Variants in ZNF407 observed in about 807,000 individuals in gnomAD.
The protein encoded by ZNF407 is zinc finger protein 407.
In ZNF407, 17 loss-of-function variants were observed where a neutral mutation model predicts 131.2. That is an observed-to-expected ratio of 0.13 (90% CI 0.09 to 0.19). The LOEUF (loss-of-function observed/expected upper bound fraction) is 0.19, where lower values mean the gene tolerates loss of function less well. Among genes scored for constraint, ZNF407 ranks in the 10% least tolerant of loss-of-function variants. The pLI is 1.00. For synonymous variants in ZNF407, 1,156 were observed against 1,062.0 expected, an observed-to-expected ratio of 1.09 and a Z score of -1.72; for missense variants, 2,681 against 2,830.6, an observed-to-expected ratio of 0.95 and a Z score of 1.20.
intron 5 of ZNF407, among the ~76,000 whole-genome samples, chr18:74,878,824 A>AG: frequency 6.6e-6 from 1 of 150,544 alleles, no homozygotes; most frequent in South Asian, 2.1e-4. Flanking sequence ...TTTTCTTAAA[A>AG]TTTTTTTTCT....
At chr18:74,802,492 T>C (rs1459631187) in intron 4 of ZNF407, among the ~76,000 whole-genome samples, 5 of 152,230 alleles carry the variant, frequency 3.3e-5, no homozygotes. Context: ...GTAGTTGTTT[T>C]GTTGTATGTA....
chr18:74,698,350 T>A (rs966010199), intron 3 of ZNF407, among the ~76,000 whole-genome samples: 3 of 152,246 alleles, frequency 2.0e-5, no homozygotes, highest in African/African-American at 7.2e-5. Context: ...TCTAGACTTA[T>A]AACCAGCATA....
intron 4 of ZNF407, among the ~76,000 whole-genome samples, chr18:74,831,754 C>T (rs533600191): frequency 1.3e-5 from 2 of 152,328 alleles, no homozygotes; most frequent in East Asian, 3.9e-4. Flanking sequence ...CACCCCTGCC[C>T]TGCTGTGCAT....
intron 8 of ZNF407, among the ~76,000 whole-genome samples, chr18:75,012,089 C>T (rs1222997235): frequency 6.6e-6 from 1 of 152,120 alleles, no homozygotes; most frequent in East Asian, 1.9e-4. Context: ...ACCTGTAACA[C>T]TAGCACTCTG....
At position 75,064,584 on chromosome 18, in the gene ZNF407, G is replaced by A. The variant is rs548950330; in HGVS notation, c.*116G>A. On this transcript the variant is annotated 3_prime_UTR_variant, in exon 9 of 9. Coordinates refer to ENST00000299687, the MANE Select transcript of ZNF407 (RefSeq NM_017757.3). ...TCAAAACCATGAGGACAAGGCTCCC[G>A]TGAGCTCTGAGCATGCCCTCCCAGC... 129 of 998,822 alleles carry A rather than the reference G, an allele frequency of 1.3e-4. No individual in the cohort carries two copies. The Middle Eastern group carries it at 1.3e-3, about 10-fold the overall frequency. The allele number at this position is 998,822 out of a possible 1,614,324, so 61.9% of individuals were successfully genotyped here. A position where few individuals can be genotyped will look rare whatever the true frequency, so the allele number is the denominator to read the frequency against.
intron 3 of ZNF407, among the ~76,000 whole-genome samples, chr18:74,676,666 C>T (rs532379114): frequency 2.6e-4 from 40 of 152,060 alleles, no homozygotes; most frequent in Admixed American, 7.8e-4. Flanking sequence ...GATCTCCTGA[C>T]CTCGTGATCT....
chr18:74,986,939 T>C (rs1299643643), intron 8 of ZNF407, among the ~76,000 whole-genome samples: 1 of 152,238 alleles, frequency 6.6e-6, no homozygotes, highest in Non-Finnish European at 1.5e-5. Context: ...AACATGTTAA[T>C]GTATGTTCAT....
At chr18:74,655,715 G>C (rs1272277938) in intron 3 of ZNF407, among the ~76,000 whole-genome samples, 3 of 152,138 alleles carry the variant, frequency 2.0e-5, no homozygotes, top group Non-Finnish European at 2.9e-5. Context: ...TTTGAGGTGT[G>C]TGGGTGTGAG....
intron 3 of ZNF407, among the ~76,000 whole-genome samples, chr18:74,690,789 A>G (rs1218698200): frequency 1.3e-5 from 2 of 152,212 alleles, no homozygotes; most frequent in Non-Finnish European, 2.9e-5. Context: ...ATCATATATT[A>G]GCCTATTTTG....
At chr18:74,655,442 G>T (rs1985408798) in intron 3 of ZNF407, among the ~76,000 whole-genome samples, 1 of 152,058 alleles carries the variant, frequency 6.6e-6, no homozygotes, top group Middle Eastern at 3.4e-3. Flanking sequence ...CTTAAAATCT[G>T]CCTTGCAACT....
At chr18:75,055,612 T>C (rs1477858083) in intron 8 of ZNF407, among the ~76,000 whole-genome samples, 3 of 152,244 alleles carry the variant, frequency 2.0e-5, no homozygotes, top group Non-Finnish European at 2.9e-5. Flanking sequence ...TTTGTCACTC[T>C]TCAGTGGCCA....
rs78470345 is a variant in ZNF407, at chr18:75,027,416, A to G, written c.5429-35734A>G. Among the ~76,000 whole-genome samples, 1,226 of 152,238 alleles carry G rather than the reference A, an allele frequency of 8.1e-3. 17 individuals carry two copies. The highest frequency in any genetic ancestry group is 0.027 in the African/African-American group (1,141 of 41,520). ...AGGTAGAATTAGGAGACTAGTTAGG[A>G]GATATTGGCTGCGATCAGGAAGACA... On this transcript the variant is annotated intron_variant, in intron 8 of 8. Transcript: ENST00000299687.
chr18:75,055,131 C>G (rs945041802), intron 8 of ZNF407, among the ~76,000 whole-genome samples: 8 of 152,236 alleles, frequency 5.3e-5, no homozygotes, highest in African/African-American at 1.9e-4. Flanking sequence ...CCACTCCTCC[C>G]CGTGCTTTAT....
At chr18:74,968,103 A>G (rs1972429057) in intron 8 of ZNF407, among the ~76,000 whole-genome samples, 1 of 152,120 alleles carries the variant, frequency 6.6e-6, no homozygotes, top group Admixed American at 6.5e-5. Context: ...TGGCCTCAGT[A>G]TGATATATTA....
chr18:74,785,910 A>G (rs1422813511), intron 4 of ZNF407, among the ~76,000 whole-genome samples: 1 of 151,692 alleles, frequency 6.6e-6, no homozygotes, highest in Non-Finnish European at 1.5e-5. Context: ...TGGGACACAC[A>G]TGTCACATGG....
intron 3 of ZNF407, among the ~76,000 whole-genome samples, chr18:74,748,085 A>G (rs960049280): frequency 1.2e-4 from 19 of 152,244 alleles, no homozygotes; most frequent in African/African-American, 4.3e-4. Flanking sequence ...TATTTAAAAA[A>G]TGTGCTTAGT....
At chr18:74,876,534 A>G (rs1441518410) in intron 4 of ZNF407, among the ~76,000 whole-genome samples, 1 of 152,162 alleles carries the variant, frequency 6.6e-6, no homozygotes, top group Non-Finnish European at 1.5e-5. Context: ...GAAATATTAT[A>G]TTGTATAAGT....
At chr18:74,660,655 T>C (rs1985675247) in intron 3 of ZNF407, among the ~76,000 whole-genome samples, 1 of 152,132 alleles carries the variant, frequency 6.6e-6, no homozygotes, top group African/African-American at 2.4e-5. Context: ...TTTAAGTTCA[T>C]CATTGTGGAT....
rs374273356 is a variant in ZNF407, at chr18:74,633,193, A to C, written c.2174A>C (p.Lys725Thr). The change falls in exon 2 of 9, where the codon AAG (lysine) becomes ACG (threonine). Residue 725 changes from lysine to threonine, a missense_variant. By Grantham distance (78) the Lys-to-Thr change is moderately conservative. Around this residue, in one of 6 missense-constraint regions of ZNF407, gnomAD observed 1,789 missense variants for 1,748.7 expected, o/e 1.02. Transcript: ENST00000299687. ...RSSTVLTRHI[K>T]LRHGQDYHFL... ...TCTACTGTTCTCACGAGACATATAAAGCTTCGGCATGGTCAAGACTATCAT... is the reference window on the plus strand; with the variant it reads ...TCTACTGTTCTCACGAGACATATAACGCTTCGGCATGGTCAAGACTATCAT... The C allele has an allele frequency of 9.9e-5, 159 of 1,613,686 alleles. No individual in the cohort carries two copies. The highest frequency in any genetic ancestry group is 1.3e-4 in the Non-Finnish European group (157 of 1,179,812).
Sources: allele counts gnomAD v4.1 joint callset (sites outside exome capture counted in the v4.1 genomes callset), GRCh38; gene constraint gnomAD v4.1.1; regional missense constraint gnomAD v4.1.1; transcripts MANE v1.5; gene names NCBI Gene and HGNC (gene_info 2026-07-23, HGNC 2026-07-21).